The following ADARB2 variants were observed in gnomAD, a reference collection of about 807,000 sequenced individuals.
The protein encoded by ADARB2 is inactive double-stranded RNA-specific editase B2.
A neutral mutation model predicts 62.2 loss-of-function variants in ADARB2; 25 were observed. The ratio of observed to expected loss-of-function variants is 0.40; its 90% CI spans 0.29 to 0.56. The LOEUF (loss-of-function observed/expected upper bound fraction) is 0.56. Ranked by LOEUF, ADARB2 falls within the 20% of genes least tolerant of loss-of-function variation. ADARB2 has a pLI of 0.43. For missense variants in ADARB2, 1,071 were observed against 1,077.4 expected (o/e 0.99, Z 0.08); for synonymous variants, 572 against 500.8 (o/e 1.14, Z -1.90).
intron 6 of ADARB2, among the ~76,000 whole-genome samples, chr10:1,221,448 G>A (rs905038615): frequency 6.6e-6 from 1 of 150,622 alleles, no homozygotes; most frequent in Non-Finnish European, 1.5e-5. Flanking sequence ...TTAAGTTTTA[G>A]GGTACATGTG....
intron 6 of ADARB2, among the ~76,000 whole-genome samples, chr10:1,230,550 T>C (rs1830795401): frequency 6.6e-6 from 1 of 152,278 alleles, no homozygotes; most frequent in South Asian, 2.1e-4. Flanking sequence ...CCTCTTATTG[T>C]AAAGGAGCTT....
chr10:1,375,335 C>A (rs12780481), intron 2 of ADARB2, among the ~76,000 whole-genome samples: 2 of 152,166 alleles, frequency 1.3e-5, no homozygotes, highest in African/African-American at 4.8e-5. Flanking sequence ...AGGGCAGACA[C>A]GCCTTACAAA....
At chr10:1,526,253 GT>G (rs1240535526) in intron 1 of ADARB2, among the ~76,000 whole-genome samples, 1 of 152,074 alleles carries the variant, frequency 6.6e-6, no homozygotes, top group African/African-American at 2.4e-5. Flanking sequence ...GATGGGGCAG[GT>G]GGTGCAGATG....
intron 5 of ADARB2, among the ~76,000 whole-genome samples, chr10:1,235,044 GCCCCACCAT>G (rs1359085179): frequency 6.6e-6 from 1 of 152,262 alleles, no homozygotes; most frequent in East Asian, 1.9e-4. Flanking sequence ...ACCACACTGG[GCCCCACCAT>G]GATCTTTTAC....
intron 1 of ADARB2, among the ~76,000 whole-genome samples, chr10:1,627,400 T>C (rs1156962784): frequency 2.0e-5 from 3 of 152,060 alleles, no homozygotes; most frequent in Non-Finnish European, 2.9e-5. Context: ...TTAATTTTTT[T>C]TCTCTCTCTC....
chr10:1,708,159 T>C (rs963607396), intron 1 of ADARB2, among the ~76,000 whole-genome samples: 1 of 152,174 alleles, frequency 6.6e-6, no homozygotes, highest in Non-Finnish European at 1.5e-5. Flanking sequence ...GGTTCCAGTT[T>C]CTCCATAGCA....
intron 1 of ADARB2, among the ~76,000 whole-genome samples, chr10:1,686,233 G>A (rs557955656): frequency 6.6e-6 from 1 of 152,358 alleles, no homozygotes; most frequent in East Asian, 1.9e-4. Context: ...GATCTGCAGG[G>A]GCAGGGGATG....
At chr10:1,595,492 G>A (rs944174382) in intron 1 of ADARB2, among the ~76,000 whole-genome samples, 5 of 152,188 alleles carry the variant, frequency 3.3e-5, no homozygotes, top group Admixed American at 6.5e-5. Flanking sequence ...TGTGGAGGGC[G>A]GATGTGGCAG....
At chr10:1,348,844 C>T (rs1447747812) in intron 3 of ADARB2, among the ~76,000 whole-genome samples, 2 of 152,204 alleles carry the variant, frequency 1.3e-5, no homozygotes, top group African/African-American at 4.8e-5. Flanking sequence ...CAGCACCCAT[C>T]CACCTCAGCT....
At chr10:1,588,685 A>G (rs1833210771) in intron 1 of ADARB2, among the ~76,000 whole-genome samples, 1 of 152,196 alleles carries the variant, frequency 6.6e-6, no homozygotes, top group African/African-American at 2.4e-5. Flanking sequence ...AAGTCAGGGA[A>G]CAAAGGCAGG....
intron 1 of ADARB2, among the ~76,000 whole-genome samples, chr10:1,574,224 C>A (rs1832980193): frequency 6.6e-6 from 1 of 152,138 alleles, no homozygotes; most frequent in Non-Finnish European, 1.5e-5. Context: ...TACACATGCA[C>A]AGCATGAAGG....
At chr10:1,266,511 T>TGGGGGGGGGGG (rs782182369) in intron 4 of ADARB2, among the ~76,000 whole-genome samples, 494 of 128,212 alleles carry the variant, frequency 3.9e-3, no homozygotes, top group African/African-American at 6.6e-3. Context: ...TGGTGGGGGG[T>TGGGGGGGGGGG]GGGGGGGGGG....
chr10:1,327,254 C>A (rs1174138434), intron 3 of ADARB2, among the ~76,000 whole-genome samples: 45 of 65,382 alleles, frequency 6.9e-4, no homozygotes, highest in East Asian at 1.7e-3. Context: ...TCCTCACTGC[C>A]CAGCGCCTCC....
chr10:1,514,177 A>AT (rs1348002393), intron 1 of ADARB2, among the ~76,000 whole-genome samples: 44 of 91,214 alleles, frequency 4.8e-4, no homozygotes, highest in African/African-American at 1.7e-3. Flanking sequence ...CGCTGTCTCA[A>AT]AATATATATA....
chr10:1,491,549 G>A (rs1831622217), intron 1 of ADARB2, among the ~76,000 whole-genome samples: 1 of 152,026 alleles, frequency 6.6e-6, no homozygotes, highest in Non-Finnish European at 1.5e-5. Context: ...CAATTAGCAG[G>A]GCCAATTCAT....
intron 1 of ADARB2, among the ~76,000 whole-genome samples, chr10:1,574,808 G>A (rs1832988032): frequency 1.3e-5 from 2 of 152,158 alleles, no homozygotes; most frequent in African/African-American, 4.8e-5. Flanking sequence ...GTGAATTCGG[G>A]GGACACATAC....
chr10:1,673,677 G>A (rs1004151786), intron 1 of ADARB2, among the ~76,000 whole-genome samples: 3 of 152,204 alleles, frequency 2.0e-5, no homozygotes, highest in Non-Finnish European at 2.9e-5. Context: ...CGATGACGAA[G>A]GAAAGGGCGA....
At chr10:1,507,182 G>A (rs1831863026) in intron 1 of ADARB2, among the ~76,000 whole-genome samples, 1 of 152,246 alleles carries the variant, frequency 6.6e-6, no homozygotes, top group African/African-American at 2.4e-5. Context: ...GGAGGGCAGA[G>A]CTGTGATCAA....
chr10:1,674,127 G>A (rs1588347677), intron 1 of ADARB2, among the ~76,000 whole-genome samples: 1 of 152,264 alleles, frequency 6.6e-6, no homozygotes, highest in Admixed American at 6.5e-5. Flanking sequence ...GGCCCCGTCG[G>A]CCGGGGGCCC....
Sources: gnomAD v4.1 joint callset for allele counts (sites outside exome capture counted in the v4.1 genomes callset) on GRCh38, gnomAD v4.1.1 for gene constraint, MANE v1.5 for transcripts, NCBI Gene and HGNC (gene_info 2026-07-23, HGNC 2026-07-21) for gene names.